Variants in DNAJC16 observed in about 807,000 individuals in gnomAD.
DNAJC16 encodes the protein dnaJ homolog subfamily C member 16.
In DNAJC16, 76 loss-of-function variants were observed where a neutral mutation model predicts 92.7. That is an observed-to-expected ratio of 0.82 (90% CI 0.68 to 0.99). DNAJC16 has a LOEUF of 0.99. Among genes scored for constraint, DNAJC16 ranks in the 50% least tolerant of loss-of-function variants. The pLI is 0.00. For missense variants in DNAJC16, 869 were observed against 942.4 expected (o/e 0.92, Z 1.02); for synonymous variants, 328 against 358.7 (o/e 0.91, Z 0.97).
chr1:15,535,739 AAG>A, intron 3 of DNAJC16, among the ~76,000 whole-genome samples: 2 of 151,974 alleles, frequency 1.3e-5, no homozygotes, highest in East Asian at 2.0e-4. Context: ...CGAAAAGAAA[AAG>A]AATATCTAAT....
chr1:15,557,789 G>C (rs1477969200), intron 7 of DNAJC16, among the ~76,000 whole-genome samples: 2 of 151,398 alleles, frequency 1.3e-5, no homozygotes, highest in African/African-American at 4.9e-5. Context: ...CTGGAGTGTA[G>C]TGATGTCATC....
chr1:15,555,611 G>T (rs1273351241), intron 7 of DNAJC16, among the ~76,000 whole-genome samples: 1 of 150,814 alleles, frequency 6.6e-6, no homozygotes, highest in Admixed American at 6.6e-5. Flanking sequence ...GAACCCAGGA[G>T]GCAGAAGTTG....
rs906546465 is a variant in DNAJC16, at chr1:15,568,498, T to C, written c.*321T>C. 1.5e-5 allele frequency: 7 copies of C among 457,230 alleles called. No individual in the cohort carries two copies. Among genetic ancestry groups the C allele is most frequent in the African/African-American group, 1.4e-4 (7 of 50,298 alleles). The allele number at this position is 457,230 out of a possible 1,614,324, so 28.3% of individuals were successfully genotyped here. ...GCTCACCCCACCCTCCTGTCCTGTG[T>C]CTTGGAGAAGCACAGGGCTCCACCC... On this transcript the variant is annotated 3_prime_UTR_variant, in exon 15 of 15. Transcript: ENST00000375847.
intron 7 of DNAJC16, among the ~76,000 whole-genome samples, chr1:15,552,629 T>G (rs1262320232): frequency 6.6e-6 from 1 of 152,042 alleles, no homozygotes; most frequent in Non-Finnish European, 1.5e-5. Context: ...TTTCTTCTTT[T>G]TTTTATTTTA....
chr1:15,530,722 C>G (rs1710635844), intron 2 of DNAJC16, among the ~76,000 whole-genome samples: 1 of 152,196 alleles, frequency 6.6e-6, no homozygotes, highest in Non-Finnish European at 1.5e-5. Flanking sequence ...GAGTCTCGCT[C>G]TGTCACGCAG....
intron 2 of DNAJC16, among the ~76,000 whole-genome samples, chr1:15,532,736 G>A (rs1296962932): frequency 6.6e-6 from 1 of 151,868 alleles, no homozygotes; most frequent in Non-Finnish European, 1.5e-5. Flanking sequence ...ATGCTTTGGA[G>A]TCTCCATCTC....
At chr1:15,529,007 A>C (rs947450800) in intron 1 of DNAJC16, 81 bp from the exon 2 acceptor site, 1 of 1,233,698 alleles carries the variant, frequency 8.1e-7, no homozygotes. Flanking sequence ...TTTTTCATCT[A>C]TATATCTTAT....
At chr1:15,566,922 A>G in intron 13 of DNAJC16, 177 bp from the exon 14 acceptor site, 1 of 523,470 alleles carries the variant, frequency 1.9e-6, no homozygotes, top group East Asian at 2.9e-5. Flanking sequence ...GGCTGTTTGT[A>G]GGTCAGGGAT....
Position 15,562,272 on chromosome 1 carries a change from G to C in DNAJC16, c.1285G>C (p.Glu429Gln). 2 of 1,614,092 alleles carry C rather than the reference G, an allele frequency of 1.2e-6. No homozygotes were observed. Among genetic ancestry groups the C allele is most frequent in the Non-Finnish European group, 1.7e-6 (2 of 1,179,954 alleles). Residue 429 changes from glutamate to glutamine, a missense_variant, in exon 9 of 15, where the codon GAG (glutamate) becomes CAG (glutamine). Coordinates refer to ENST00000375847, the MANE Select transcript of DNAJC16 (RefSeq NM_015291.4). ...GCATGTCTACAGCAATCGGCAGCAG[G>C]AGTTTGCCGACACCTTACTACCAGA... ...FVHVYSNRQQ[E>Q]FADTLLPDSE...
chr1:15,546,351 GTGATAGATAGATGGGAGACTGAGGCA>G (rs1034605801), intron 5 of DNAJC16, among the ~76,000 whole-genome samples: 5 of 152,252 alleles, frequency 3.3e-5, no homozygotes, highest in Non-Finnish European at 5.9e-5. Context: ...AGACTGAGGT[GTGATAGATAGATGGGAGACTGAGGCA>G]TGATAGATAG....
In DNAJC16 at chr1:15,568,191, AG is replaced by A. The variant is rs1427554163; in HGVS notation, c.*15del. On this transcript the variant is annotated 3_prime_UTR_variant, in exon 15 of 15. Transcript: ENST00000375847. ...GAACTAGACTGAGAGGATTTTCCAAAGAGATTTGAACTCTTCAGACTTTTTA... is the reference window on the plus strand; with the variant it reads ...GAACTAGACTGAGAGGATTTTCCAAAAGATTTGAACTCTTCAGACTTTTTA... The A allele has an allele frequency of 6.3e-7, 1 of 1,588,218 alleles. No homozygotes were observed. The highest frequency in any genetic ancestry group is 1.4e-5 in the African/African-American group (1 of 73,740).
intron 3 of DNAJC16, among the ~76,000 whole-genome samples, chr1:15,534,586 G>C (rs770540728): frequency 1.3e-5 from 2 of 152,098 alleles, no homozygotes; most frequent in Admixed American, 6.6e-5. Flanking sequence ...TTCGCCGGGC[G>C]TGGTGGCACG....
At chr1:15,566,483 G>A in intron 13 of DNAJC16, 1 of 352,414 alleles carries the variant, frequency 2.8e-6, no homozygotes, top group Non-Finnish European at 5.2e-6. Flanking sequence ...CCAGTCTTGT[G>A]CGCACACACA....
intron 10 of DNAJC16, 75 bp downstream of exon 10, chr1:15,564,186 T>C (rs1638757927): frequency 1.3e-6 from 2 of 1,587,532 alleles, no homozygotes; most frequent in Non-Finnish European, 1.7e-6. Context: ...GGATTTCTGC[T>C]CAGAGCAGAG....
rs1638858758 is a variant in DNAJC16, at chr1:15,567,993, C to T, written c.2165C>T (p.Ala722Val). The change falls in exon 15 of 15, where the codon GCC (alanine) becomes GTC (valine). Residue 722 changes from alanine to valine, a missense_variant. Transcript: ENST00000375847. ...KPQKTVEEEE[A>V]IGSCSDVDSS... ...CAAAAGACAGTCGAAGAGGAGGAAGCCATAGGGTCGTGCAGTGATGTTGAC... is the reference window on the plus strand; with the variant it reads ...CAAAAGACAGTCGAAGAGGAGGAAGTCATAGGGTCGTGCAGTGATGTTGAC... 1 of 1,614,122 alleles carries T rather than the reference C, an allele frequency of 6.2e-7. No individual in the cohort carries two copies. Among genetic ancestry groups the T allele is most frequent in the Non-Finnish European group, 8.5e-7 (1 of 1,180,046 alleles).
rs184677020 is a variant in DNAJC16 at position 15,535,531 on chromosome 1, G to A, written c.235-944G>A. Among the ~76,000 whole-genome samples the A allele has an allele frequency of 1.4e-3, 207 of 152,210 alleles. 1 individual carries two copies. Among genetic ancestry groups the A allele is most frequent in the East Asian group, 5.8e-4 (3 of 5,148 alleles). ...TTGGGGAGGCTGAGGCATGCAGATC[G>A]CTTAAGCTGAGGAATTCAGGACCAG... On this transcript the variant is annotated intron_variant, in intron 3 of 14. Coordinates refer to ENST00000375847, the MANE Select transcript of DNAJC16 (RefSeq NM_015291.4).
At chr1:15,546,062 T>C (rs1331799582) in intron 5 of DNAJC16, among the ~76,000 whole-genome samples, 1 of 152,142 alleles carries the variant, frequency 6.6e-6, no homozygotes, top group Non-Finnish European at 1.5e-5. Flanking sequence ...CCCAGCACTT[T>C]AGGAGGCTGA....
chr1:15,536,139 T>C, intron 3 of DNAJC16, among the ~76,000 whole-genome samples: 1 of 141,924 alleles, frequency 7.0e-6, no homozygotes, highest in East Asian at 2.3e-4. Flanking sequence ...AGTGGCACCA[T>C]CTCGGCTCAC....
In DNAJC16 at chr1:15,568,306, T is replaced by C. The variant is rs965000833; in HGVS notation, c.*129T>C. The C allele has an allele frequency of 2.6e-6, 2 of 773,746 alleles. No homozygotes were observed. Among genetic ancestry groups the C allele is most frequent in the African/African-American group, 3.5e-5 (2 of 57,498 alleles). 47.9% of individuals were successfully genotyped at this position (773,746 alleles called of 1,614,324 possible). ...TAGATTGCTCTTCTAGAACCATGGC[T>C]AGAAGAATCTTTCCTTTGTCCTGTT... On this transcript the variant is annotated 3_prime_UTR_variant, in exon 15 of 15. Transcript: ENST00000375847.
Sources: gnomAD v4.1 joint callset for allele counts (sites outside exome capture counted in the v4.1 genomes callset) on GRCh38, gnomAD v4.1.1 for gene constraint, MANE v1.5 for transcripts, NCBI Gene and HGNC (gene_info 2026-07-23, HGNC 2026-07-21) for gene names.